The following SNX10 variants were observed in gnomAD, a reference collection of about 807,000 sequenced individuals.
The protein encoded by SNX10 is sorting nexin-10.
In SNX10, 25 loss-of-function variants were observed where a neutral mutation model predicts 28.5. The observed-to-expected ratio is 0.88, with a 90% confidence interval of 0.64 to 1.22. The LOEUF (loss-of-function observed/expected upper bound fraction) is 1.22, where lower values mean the gene tolerates loss of function less well. SNX10 is among the 50% of genes most tolerant of loss of function. The pLI, the probability that SNX10 is intolerant of heterozygous loss-of-function variation, is 0.00. For synonymous variants in SNX10, 62 were observed against 81.4 expected, an observed-to-expected ratio of 0.76 and a Z score of 1.28; for missense variants, 223 against 242.6, an observed-to-expected ratio of 0.92 and a Z score of 0.54.
chr7:26,339,628 T>G (rs1788102228), intron 1 of SNX10, among the ~76,000 whole-genome samples: 1 of 147,700 alleles, frequency 6.8e-6, no homozygotes, highest in Non-Finnish European at 1.5e-5. Flanking sequence ...CTCCCAAGTT[T>G]AAGCGATTCT....
intron 1 of SNX10, among the ~76,000 whole-genome samples, chr7:26,320,202 C>G (rs1054756082): frequency 1.3e-5 from 2 of 151,592 alleles, no homozygotes; most frequent in Non-Finnish European, 2.9e-5. Context: ...GGCTGGTCCC[C>G]AACTCTTGAC....
At chr7:26,363,982 T>C (rs1789188922) in intron 3 of SNX10, among the ~76,000 whole-genome samples, 1 of 152,218 alleles carries the variant, frequency 6.6e-6, no homozygotes, top group Non-Finnish European at 1.5e-5. Flanking sequence ...GGTCATTCTC[T>C]GGCTCGGACG....
chr7:26,312,557 T>G (rs1412243333), intron 1 of SNX10, among the ~76,000 whole-genome samples: 1 of 152,108 alleles, frequency 6.6e-6, no homozygotes, highest in African/African-American at 2.4e-5. Context: ...AGGCCGAGGC[T>G]GTCGGATCAC....
chr7:26,335,735 CTTT>C (rs57340085), intron 1 of SNX10, among the ~76,000 whole-genome samples: 1,947 of 83,922 alleles, frequency 0.023, 33 homozygotes, highest in East Asian at 0.2. Flanking sequence ...ATGGAATATT[CTTT>C]TTTTTTTTTT....
At chr7:26,358,746 A>G (rs2128020016) in intron 2 of SNX10, among the ~76,000 whole-genome samples, 1 of 152,056 alleles carries the variant, frequency 6.6e-6, no homozygotes, top group Middle Eastern at 3.4e-3. Flanking sequence ...CCCTATCTCA[A>G]AAAACAGAAA....
chr7:26,331,158 AAAG>A (rs1395686533), intron 1 of SNX10, among the ~76,000 whole-genome samples: 2 of 144,388 alleles, frequency 1.4e-5, no homozygotes, highest in African/African-American at 5.3e-5. Flanking sequence ...TCTAATAAAA[AAAG>A]AGAACTAAAA....
At position 26,332,674 on chromosome 7, in the gene SNX10, G is replaced by A. The variant is rs151082861; in HGVS notation, c.-23-13746G>A. On this transcript the variant is annotated intron_variant, in intron 1 of 6. Transcript: ENST00000338523. ...CAAGGCCATAGAGACTAACTGCTGT[G>A]TTTTCGTCTATGAGTTTTATAGTTT... 4.2e-4 allele frequency among the ~76,000 whole-genome samples: 64 copies of A among 152,210 alleles called. 1 individual carries two copies. In the East Asian group the frequency reaches 0.011, roughly 27 times the overall value.
chr7:26,367,102 T>TG (rs1168458069), intron 5 of SNX10, among the ~76,000 whole-genome samples: 10 of 152,050 alleles, frequency 6.6e-5, no homozygotes, highest in Middle Eastern at 3.4e-3. Context: ...TGCTATAGAG[T>TG]GGGATAATAG....
intron 2 of SNX10, among the ~76,000 whole-genome samples, chr7:26,353,437 CTTT>C (rs11386172): frequency 3.2e-4 from 24 of 74,352 alleles, no homozygotes; most frequent in East Asian, 3.0e-3. Flanking sequence ...CTGGTAAATG[CTTT>C]TTTTTTTTTT....
At chr7:26,308,574 G>T (rs1400114009) in intron 1 of SNX10, among the ~76,000 whole-genome samples, 10 of 152,174 alleles carry the variant, frequency 6.6e-5, no homozygotes, top group Admixed American at 4.6e-4. Context: ...GGTTCCTGGG[G>T]GGTGGTGCAC....
chr7:26,308,853 CAGGT>C (rs992238388), intron 1 of SNX10, among the ~76,000 whole-genome samples: 1 of 152,102 alleles, frequency 6.6e-6, no homozygotes, highest in Non-Finnish European at 1.5e-5. Context: ...ATAATGTCCC[CAGGT>C]AGGTAGGGTC....
At chr7:26,367,649 C>T (rs935022350) in intron 5 of SNX10, among the ~76,000 whole-genome samples, 10 of 152,130 alleles carry the variant, frequency 6.6e-5, no homozygotes, top group Admixed American at 3.3e-4. Context: ...GTAGTACCCT[C>T]CATGTCTTTG....
chr7:26,357,327 T>TAAAAAAAAAAAAAAAAAAAAAAAA lies in SNX10; in HGVS notation c.25-3629_25-3628insAAAAAAAAAAAAAAAAAAAAAAAA, dbSNP rs372771552. Among the ~76,000 whole-genome samples the TAAAAAAAAAAAAAAAAAAAAAAAA allele has an allele frequency of 1.8e-5, 2 of 109,404 alleles. 1 individual carries two copies. Among genetic ancestry groups the TAAAAAAAAAAAAAAAAAAAAAAAA allele is most frequent in the African/African-American group, 7.1e-5 (2 of 28,268 alleles). 71.8% of individuals were successfully genotyped at this position (109,404 alleles called of 152,430 possible). On this transcript the variant is annotated intron_variant, in intron 2 of 6. Coordinates refer to ENST00000338523, the MANE Select transcript of SNX10 (RefSeq NM_013322.3). ...AAAATAGTAGAAGAAAAGAGAAGAT[T>TAAAAAAAAAAAAAAAAAAAAAAAA]AAAAAAAAAAAAAAAAAAAGGCAGT...
Position 26,372,106 on chromosome 7 carries a change from GATAT to G in SNX10, c.524+79_524+82del, listed in dbSNP as rs1403728128. The G allele has an allele frequency of 3.3e-5, 31 of 939,200 alleles. No homozygotes were observed. In the Admixed American group the frequency reaches 5.0e-4, roughly 15 times the overall value. The allele number at this position is 939,200 out of a possible 1,614,324, so 58.2% of individuals were successfully genotyped here. On this transcript the variant is annotated intron_variant, in intron 6 of 6. Coordinates refer to ENST00000338523, the MANE Select transcript of SNX10 (RefSeq NM_013322.3). ...TAGTATGCACATATGCACGTGTATAGATATATATACACACTTCACTTTTTTGTTG... is the reference window on the plus strand; with the variant it reads ...TAGTATGCACATATGCACGTGTATAGATATACACACTTCACTTTTTTGTTG...
chr7:26,303,756 A>G (rs1293272228), intron 1 of SNX10, among the ~76,000 whole-genome samples: 1 of 152,186 alleles, frequency 6.6e-6, no homozygotes, highest in African/African-American at 2.4e-5. Flanking sequence ...TCAGTATTCC[A>G]ATTCAGTAGT....
At chr7:26,303,635 CT>C (rs1403810452) in intron 1 of SNX10, among the ~76,000 whole-genome samples, 2 of 152,194 alleles carry the variant, frequency 1.3e-5, no homozygotes, top group African/African-American at 4.8e-5. Context: ...TCCTTGGGGC[CT>C]GTTCTGAGCC....
intron 2 of SNX10, chr7:26,360,659 C>A: frequency 3.5e-6 from 1 of 282,446 alleles, no homozygotes; most frequent in Non-Finnish European, 6.1e-6. Flanking sequence ...AAAACCTGAA[C>A]CAATTATTTA....
intron 5 of SNX10, among the ~76,000 whole-genome samples, chr7:26,366,308 T>G (rs1318633243): frequency 1.3e-5 from 2 of 152,202 alleles, no homozygotes; most frequent in African/African-American, 4.8e-5. Context: ...TAATATTTAT[T>G]TCTATTAGAT....
chr7:26,319,653 C>CA (rs752250237), intron 1 of SNX10, among the ~76,000 whole-genome samples: 27 of 151,778 alleles, frequency 1.8e-4, no homozygotes, highest in South Asian at 6.3e-4. Flanking sequence ...GGAAAAAAGA[C>CA]AAAAAAAACC....
Sources: allele counts gnomAD v4.1 joint callset (sites outside exome capture counted in the v4.1 genomes callset), GRCh38; gene constraint gnomAD v4.1.1; transcripts MANE v1.5; gene names NCBI Gene and HGNC (gene_info 2026-07-23, HGNC 2026-07-21).